SCAF8: variants seen among roughly 807,000 people sequenced by gnomAD.
SCAF8 encodes the protein SR-related CTD associated factor 8.
SCAF8 carries 23 observed loss-of-function variants against 140.5 expected under a neutral mutation model. The observed-to-expected ratio is 0.16, with a 90% confidence interval of 0.12 to 0.23. The LOEUF (loss-of-function observed/expected upper bound fraction) is 0.23, where lower values mean the gene tolerates loss of function less well. SCAF8 is among the 10% of genes least tolerant of loss of function. The pLI, the probability that SCAF8 is intolerant of heterozygous loss-of-function variation, is 1.00. For synonymous variants in SCAF8, 575 were observed against 528.9 expected, an observed-to-expected ratio of 1.09 and a Z score of -1.20; for missense variants, 1,397 against 1,555.7, an observed-to-expected ratio of 0.90 and a Z score of 1.72.
intron 1 of SCAF8, among the ~76,000 whole-genome samples, chr6:154,750,385 T>C (rs553331089): frequency 2.0e-5 from 3 of 152,134 alleles, no homozygotes; most frequent in Non-Finnish European, 4.4e-5. Context: ...AGGGTGATAA[T>C]GTAGGGAAAG....
chr6:154,751,390 G>C (rs1778834065), intron 1 of SCAF8, among the ~76,000 whole-genome samples: 1 of 152,006 alleles, frequency 6.6e-6, no homozygotes. Flanking sequence ...CACCCTGCCT[G>C]GCTAATTTTG....
chr6:154,769,771 A>G (rs953307464), intron 1 of SCAF8, among the ~76,000 whole-genome samples: 1 of 152,216 alleles, frequency 6.6e-6, no homozygotes, highest in Admixed American at 6.5e-5. Flanking sequence ...GTTGTGTCCT[A>G]TATGTATTTG....
At chr6:154,828,753 A>AG (rs1778641914) in intron 18 of SCAF8, among the ~76,000 whole-genome samples, 1 of 152,172 alleles carries the variant, frequency 6.6e-6, no homozygotes, top group Admixed American at 6.5e-5. Context: ...GTTTTCGTCG[A>AG]GTCTAGGAAT....
chr6:154,805,559 G>A, intron 9 of SCAF8, 73 bp downstream of exon 9: 1 of 714,148 alleles, frequency 1.4e-6, no homozygotes. Context: ...TTTGTGGGTT[G>A]GCTTTTTTTT....
intron 1 of SCAF8, among the ~76,000 whole-genome samples, chr6:154,772,970 G>A (rs1776814278): frequency 6.6e-6 from 1 of 152,124 alleles, no homozygotes; most frequent in South Asian, 2.1e-4. Flanking sequence ...ATGTTGGCCA[G>A]GCTGGTCTTG....
At chr6:154,811,897 C>T (rs566584698) in intron 12 of SCAF8, among the ~76,000 whole-genome samples, 3 of 152,246 alleles carry the variant, frequency 2.0e-5, no homozygotes, top group East Asian at 1.9e-4. Flanking sequence ...CATAGTATTC[C>T]ATAGTGTATA....
chr6:154,763,387 G>T (rs1223460147), intron 1 of SCAF8, among the ~76,000 whole-genome samples: 1 of 152,158 alleles, frequency 6.6e-6, no homozygotes. Flanking sequence ...CCATTGTTAA[G>T]AAAGATGGAC....
At chr6:154,808,427 T>C (rs1258074634) in intron 10 of SCAF8, among the ~76,000 whole-genome samples, 1 of 151,624 alleles carries the variant, frequency 6.6e-6, no homozygotes, top group Non-Finnish European at 1.5e-5. Flanking sequence ...ATTTGTAAAC[T>C]TTCTTAAAAC....
At position 154,735,991 on chromosome 6, in the gene SCAF8, G is replaced by A. The variant is rs541908260; in HGVS notation, c.30+2061G>A. 3.3e-5 allele frequency among the ~76,000 whole-genome samples: 5 copies of A among 151,802 alleles called. No individual in the cohort carries two copies. The East Asian group carries it at 7.8e-4, about 24-fold the overall frequency. On this transcript the variant is annotated intron_variant, in intron 1 of 19. Coordinates refer to ENST00000367178, the MANE Select transcript of SCAF8 (RefSeq NM_014892.5). ...ATTACAGGCCAGTGTCACCATGCCC[G>A]TCATTTTTATTTTTTATAGAGAGGA...
intron 4 of SCAF8, among the ~76,000 whole-genome samples, chr6:154,789,249 C>G (rs890162650): frequency 2.6e-5 from 4 of 151,906 alleles, no homozygotes; most frequent in Admixed American, 6.6e-5. Flanking sequence ...GCTGGGATTA[C>G]AGGCGCCCGC....
chr6:154,793,589 C>CA (rs1380360805), intron 5 of SCAF8, among the ~76,000 whole-genome samples: 5 of 151,512 alleles, frequency 3.3e-5, no homozygotes, highest in African/African-American at 1.2e-4. Context: ...CCGAGGCAGG[C>CA]AGATCGCCTG....
intron 12 of SCAF8, among the ~76,000 whole-genome samples, chr6:154,814,324 A>G (rs1412142495): frequency 1.3e-5 from 2 of 152,256 alleles, no homozygotes; most frequent in African/African-American, 2.4e-5. Context: ...CTCAGAAACA[A>G]ACAAACGAAA....
chr6:154,765,359 G>C (rs1263243242), intron 1 of SCAF8, among the ~76,000 whole-genome samples: 1 of 152,178 alleles, frequency 6.6e-6, no homozygotes, highest in Non-Finnish European at 1.5e-5. Flanking sequence ...CATGATGACA[G>C]AGTGCTTCTG....
At chr6:154,749,450 C>T (rs978140952) in intron 1 of SCAF8, among the ~76,000 whole-genome samples, 3 of 152,038 alleles carry the variant, frequency 2.0e-5, no homozygotes, top group South Asian at 2.1e-4. Context: ...CAGGGTAGTC[C>T]GCAACATTAG....
At chr6:154,801,353 A>G (rs1012775310) in intron 6 of SCAF8, among the ~76,000 whole-genome samples, 47 of 151,268 alleles carry the variant, frequency 3.1e-4, no homozygotes, top group Non-Finnish European at 6.5e-4. Flanking sequence ...TTTGGATTTA[A>G]CTCAGGCTTA....
intron 1 of SCAF8, among the ~76,000 whole-genome samples, chr6:154,763,425 G>C (rs2114827800): frequency 6.6e-6 from 1 of 152,266 alleles, no homozygotes; most frequent in Non-Finnish European, 1.5e-5. Flanking sequence ...GTTATTTTAG[G>C]TTCACTCTTA....
chr6:154,814,666 A>G (rs991374070), intron 12 of SCAF8, among the ~76,000 whole-genome samples: 7 of 152,222 alleles, frequency 4.6e-5, no homozygotes, highest in African/African-American at 1.7e-4. Context: ...GGACATTGAC[A>G]TAAATCCAAA....
At chr6:154,769,122 C>T (rs1302209016) in intron 1 of SCAF8, among the ~76,000 whole-genome samples, 1 of 150,154 alleles carries the variant, frequency 6.7e-6, no homozygotes, top group African/African-American at 2.4e-5. Context: ...TCAAACCCAT[C>T]TTGTTCAAGA....
intron 13 of SCAF8, among the ~76,000 whole-genome samples, chr6:154,817,458 A>G (rs1778287385): frequency 6.6e-6 from 1 of 152,222 alleles, no homozygotes; most frequent in Non-Finnish European, 1.5e-5. Flanking sequence ...ATGAAGATTC[A>G]TAATCCACTC....
Sources: gnomAD v4.1 joint callset for allele counts (sites outside exome capture counted in the v4.1 genomes callset) on GRCh38, gnomAD v4.1.1 for gene constraint, MANE v1.5 for transcripts, NCBI Gene and HGNC (gene_info 2026-07-23, HGNC 2026-07-21) for gene names.